Variants in EIPR1 observed in about 807,000 individuals in gnomAD.
EIPR1 encodes the protein EARP complex and GARP complex interacting protein 1.
Under a neutral mutation model 48.1 loss-of-function variants are expected in EIPR1, and 25 were observed. That is an observed-to-expected ratio of 0.52 (90% CI 0.38 to 0.73). The LOEUF is 0.73. EIPR1 is among the 30% of genes least tolerant of loss of function. The pLI is 0.00. For synonymous variants in EIPR1, 204 were observed against 201.9 expected (o/e 1.01, Z -0.09); for missense variants, 415 against 506.2 (o/e 0.82, Z 1.73).
chr2:3,284,653 A>G (rs189208240), intron 3 of EIPR1, among the ~76,000 whole-genome samples: 31 of 152,374 alleles, frequency 2.0e-4, no homozygotes, highest in African/African-American at 7.0e-4. Flanking sequence ...TGTTGATGAG[A>G]AAAGTCAGGG....
intron 3 of EIPR1, among the ~76,000 whole-genome samples, chr2:3,281,577 A>G (rs1282157333): frequency 6.6e-6 from 1 of 152,074 alleles, no homozygotes; most frequent in African/African-American, 2.4e-5. Flanking sequence ...CTATTATCAC[A>G]CAGTGCTCAT....
Position 3,227,957 on chromosome 2 carries a change from T to C in EIPR1, c.417-13709A>G, listed in dbSNP as rs763978665. ...CAGAGGATGTATGACAATGTCTGGA[T>C]GTCTAGGCAGAAGTCTGCTGAAGGG... On this transcript the variant is annotated intron_variant, in intron 4 of 8. Coordinates refer to ENST00000382125, the MANE Select transcript of EIPR1 (RefSeq NM_003310.5). Among the ~76,000 whole-genome samples, 82 of 152,382 alleles carry C rather than the reference T, an allele frequency of 5.4e-4. 1 individual carries two copies. In the Middle Eastern group the frequency reaches 0.017, roughly 32 times the overall value.
intron 3 of EIPR1, among the ~76,000 whole-genome samples, chr2:3,314,055 C>A (rs556579722): frequency 9.7e-4 from 147 of 152,254 alleles, no homozygotes; most frequent in African/African-American, 3.4e-3. Context: ...AGAGCACCAC[C>A]CGGGGAGCAA....
intron 3 of EIPR1, among the ~76,000 whole-genome samples, chr2:3,306,027 C>T (rs916501392): frequency 2.6e-5 from 4 of 152,220 alleles, no homozygotes; most frequent in African/African-American, 7.2e-5. Context: ...GAGCCCACTA[C>T]AATGTAAAGC....
At chr2:3,233,541 C>T (rs775524264) in intron 4 of EIPR1, among the ~76,000 whole-genome samples, 2 of 152,182 alleles carry the variant, frequency 1.3e-5, no homozygotes, top group Non-Finnish European at 2.9e-5. Context: ...CCAGCCGTAA[C>T]TGTGATAATG....
intron 4 of EIPR1, among the ~76,000 whole-genome samples, chr2:3,217,807 C>G (rs1021670208): frequency 2.0e-5 from 3 of 152,254 alleles, no homozygotes; most frequent in African/African-American, 4.8e-5. Context: ...GGGCCCCACC[C>G]GAGAATCTTC....
At chr2:3,206,764 A>G (rs1665251548) in intron 5 of EIPR1, among the ~76,000 whole-genome samples, 1 of 152,118 alleles carries the variant, frequency 6.6e-6, no homozygotes, top group African/African-American at 2.4e-5. Context: ...TTTTTTACCA[A>G]GATAGACTAT....
chr2:3,285,384 C>T (rs1668151514), intron 3 of EIPR1, among the ~76,000 whole-genome samples: 3 of 151,078 alleles, frequency 2.0e-5, no homozygotes, highest in Admixed American at 6.6e-5. Flanking sequence ...CAACACCCAC[C>T]GCCTGCCCAG....
At chr2:3,363,017 G>A (rs1670887993) in intron 1 of EIPR1, among the ~76,000 whole-genome samples, 1 of 152,232 alleles carries the variant, frequency 6.6e-6, no homozygotes, top group Admixed American at 6.5e-5. Context: ...GGGGAGAGGT[G>A]TTGCATCCTG....
intron 3 of EIPR1, among the ~76,000 whole-genome samples, chr2:3,259,934 C>T (rs1266335504): frequency 6.6e-6 from 1 of 152,130 alleles, no homozygotes; most frequent in African/African-American, 2.4e-5. Context: ...TCCAGCTAGA[C>T]TGATGATAAA....
chr2:3,198,277 C>T (rs573720396), intron 5 of EIPR1, among the ~76,000 whole-genome samples: 8 of 152,316 alleles, frequency 5.3e-5, no homozygotes, highest in East Asian at 3.9e-4. Context: ...CACTGGGAGG[C>T]GTGAGCTACA....
intron 4 of EIPR1, among the ~76,000 whole-genome samples, chr2:3,220,163 G>T (rs1250887225): frequency 1.3e-5 from 2 of 152,168 alleles, no homozygotes; most frequent in African/African-American, 4.8e-5. Context: ...CACGAAACTG[G>T]TCCCTGTTGC....
intron 3 of EIPR1, among the ~76,000 whole-genome samples, chr2:3,333,256 T>C (rs1202672104): frequency 6.6e-6 from 1 of 152,232 alleles, no homozygotes; most frequent in Non-Finnish European, 1.5e-5. Flanking sequence ...CACTGCAGAC[T>C]TCCACTGATT....
At chr2:3,369,122 G>C (rs57110596) in intron 1 of EIPR1, among the ~76,000 whole-genome samples, 2 of 152,154 alleles carry the variant, frequency 1.3e-5, no homozygotes, top group South Asian at 4.1e-4. Flanking sequence ...GATACTATCC[G>C]ATAAAATCCA....
chr2:3,197,062 G>T (rs568706915), intron 5 of EIPR1, 45 bp from the exon 6 acceptor site: 1 of 1,608,810 alleles, frequency 6.2e-7, no homozygotes, highest in East Asian at 2.2e-5. Flanking sequence ...AAAAGAAGAA[G>T]AATGTGAAGT....
chr2:3,268,766 G>A (rs756258839), intron 3 of EIPR1, among the ~76,000 whole-genome samples: 4 of 152,190 alleles, frequency 2.6e-5, no homozygotes, highest in Admixed American at 6.5e-5. Flanking sequence ...GAAGTAAGCC[G>A]GCTCCCCTTG....
At position 3,189,106 on chromosome 2, in the gene EIPR1, G is replaced by T; in HGVS notation, c.*228C>A. ...AAAACATTGTTATTCACATAATAAT[G>T]TGGGGCTCTGTCTCTGCCGACAGGG... is the stretch of plus-strand genomic sequence containing the variant. On this transcript the variant is annotated 3_prime_UTR_variant, in exon 9 of 9. Transcript: ENST00000382125. The surrounding 1 kb of genome is among the most constrained non-coding windows in gnomAD (Gnocchi z 4.6). 2.4e-6 allele frequency: 1 copy of T among 409,594 alleles called. No individual in the cohort carries two copies. The allele number at this position is 409,594 out of a possible 1,614,324, so 25.4% of individuals were successfully genotyped here. A position where few individuals can be genotyped will look rare whatever the true frequency, so the allele number is the denominator to read the frequency against.
In EIPR1 at chr2:3,268,554, C is replaced by CTT. The variant is rs547931187; in HGVS notation, c.260-11101_260-11100dup. ...TGACGCCTGTGACTCTTCTACCACACTTAGCGCTTCTTTATACTAAACTTC... is the reference window on the plus strand; with the variant it reads ...TGACGCCTGTGACTCTTCTACCACACTTTTAGCGCTTCTTTATACTAAACTTC... On this transcript the variant is annotated intron_variant, in intron 3 of 8. Transcript: ENST00000382125. Among the ~76,000 whole-genome samples the CTT allele has an allele frequency of 3.4e-3, 520 of 152,306 alleles. 5 individuals are homozygous for CTT. Among genetic ancestry groups the CTT allele is most frequent in the African/African-American group, 0.012 (500 of 41,568 alleles).
At chr2:3,331,242 C>A in intron 3 of EIPR1, among the ~76,000 whole-genome samples, 1 of 95,178 alleles carries the variant, frequency 1.1e-5, no homozygotes, top group South Asian at 4.2e-4. Flanking sequence ...TCAGCAGAGG[C>A]AGGTGTGTAC....
Sources: allele counts gnomAD v4.1 joint callset (sites outside exome capture counted in the v4.1 genomes callset), GRCh38; gene constraint gnomAD v4.1.1; non-coding constraint Gnocchi (gnomAD v3.1); transcripts MANE v1.5; gene names NCBI Gene and HGNC (gene_info 2026-07-23, HGNC 2026-07-21).